The following PMEPA1 variants were observed in gnomAD, a reference collection of about 807,000 sequenced individuals.
PMEPA1 encodes the protein protein TMEPAI.
In PMEPA1, 11 loss-of-function variants were observed where a neutral mutation model predicts 23.0. The ratio of observed to expected loss-of-function variants is 0.48; its 90% confidence interval spans 0.30 to 0.79. The LOEUF (loss-of-function observed/expected upper bound fraction) is 0.79. PMEPA1 is among the 30% of genes least tolerant of loss of function. The pLI is 0.06. For missense variants in PMEPA1, 377 were observed against 390.9 expected (o/e 0.96, Z 0.30); for synonymous variants, 204 against 166.4 (o/e 1.23, Z -1.74).
At chr20:57,660,742 ACAC>A (rs1271019643) in intron 1 of PMEPA1, among the ~76,000 whole-genome samples, 2 of 148,784 alleles carry the variant, frequency 1.3e-5, no homozygotes, top group East Asian at 2.0e-4. Flanking sequence ...ACTCCTACAC[ACAC>A]AACACCCCAA....
intron 2 of PMEPA1, among the ~76,000 whole-genome samples, chr20:57,654,181 C>T (rs990505815): frequency 6.6e-6 from 1 of 152,174 alleles, no homozygotes; most frequent in Admixed American, 6.5e-5. Flanking sequence ...AATGCCATGA[C>T]GGTGAGCCCT....
Position 57,652,011 on chromosome 20 carries a change from C to A in PMEPA1, c.*42G>T. 1 of 1,437,204 alleles carries A rather than the reference C, an allele frequency of 7.0e-7. No homozygotes were observed. The highest frequency in any genetic ancestry group is 1.5e-5 in the South Asian group (1 of 67,420). 89.0% of individuals were successfully genotyped at this position (1,437,204 alleles called of 1,614,324 possible). On this transcript the variant is annotated 3_prime_UTR_variant, in exon 4 of 4. Coordinates refer to ENST00000341744, the MANE Select transcript of PMEPA1 (RefSeq NM_020182.5). The surrounding 1 kb of genome is among the most constrained non-coding windows in gnomAD (Gnocchi z 6.1). ...CTTCTAAGAAGCGCGGAGTGTTCTGCCTTTTCACCTACGCAGCCCCAGCCC... is the reference window on the plus strand; with the variant it reads ...CTTCTAAGAAGCGCGGAGTGTTCTGACTTTTCACCTACGCAGCCCCAGCCC...
chr20:57,664,249 A>C (rs2071462067), intron 1 of PMEPA1, among the ~76,000 whole-genome samples: 1 of 152,078 alleles, frequency 6.6e-6, no homozygotes, highest in Admixed American at 6.5e-5. Context: ...TGGGACAGCC[A>C]CGCCCTGACA....
chr20:57,705,427 C>T (rs1481600215), intron 1 of PMEPA1, among the ~76,000 whole-genome samples: 1 of 152,164 alleles, frequency 6.6e-6, no homozygotes, highest in African/African-American at 2.4e-5. Flanking sequence ...CAGGGTTTAG[C>T]GGGTCCACAG....
At chr20:57,699,542 T>G (rs2071984206) in intron 1 of PMEPA1, among the ~76,000 whole-genome samples, 1 of 152,140 alleles carries the variant, frequency 6.6e-6, no homozygotes. Context: ...CCTGTGCAAC[T>G]ACCAGGTGCC....
intron 1 of PMEPA1, among the ~76,000 whole-genome samples, chr20:57,671,524 T>C (rs1369371146): frequency 2.0e-5 from 3 of 152,134 alleles, no homozygotes; most frequent in African/African-American, 7.2e-5. Flanking sequence ...CCAAAACGTA[T>C]ATATAGATAT....
upstream of PMEPA1, chr20:57,711,025 C>G (rs2072174403): frequency 6.6e-6 from 1 of 152,202 alleles, no homozygotes; most frequent in African/African-American, 2.4e-5. Flanking sequence ...ATTACTCTCC[C>G]CATTTTACAG....
At chr20:57,708,636 G>C (rs937297224) in intron 1 of PMEPA1, among the ~76,000 whole-genome samples, 3 of 152,160 alleles carry the variant, frequency 2.0e-5, no homozygotes, top group African/African-American at 4.8e-5. Flanking sequence ...ACTGAACCAA[G>C]CTGTCCAGAC....
intron 1 of PMEPA1, among the ~76,000 whole-genome samples, chr20:57,667,220 A>C (rs1436901034): frequency 1.3e-5 from 2 of 152,060 alleles, no homozygotes; most frequent in Non-Finnish European, 2.9e-5. Context: ...ATTCTTTCCC[A>C]TCCAAGTTTC....
Position 57,709,545 on chromosome 20 carries a change from G to A in PMEPA1, c.38C>T (p.Ala13Val). 1 of 1,109,628 alleles carries A rather than the reference G, an allele frequency of 9.0e-7. No homozygotes were observed. The highest frequency in any genetic ancestry group is 2.6e-5 in the South Asian group (1 of 38,252). The allele number at this position is 1,109,628 out of a possible 1,614,324, so 68.7% of individuals were successfully genotyped here. ...GGAGACATTGGGCTGCCCGGCGGCG[G>A]CGGCGGCGGTGCTGTTGACCCCCAT... ...RLMGVNSTAA[A>V]AAGQPNVSCT... Residue 13 changes from alanine to valine, a missense_variant, in exon 1 of 4, where the codon GCC becomes GTC. Around this residue, in one of 3 missense-constraint regions of PMEPA1, gnomAD observed 198 missense variants for 196.3 expected, o/e 1.01. Transcript: ENST00000341744.
intron 2 of PMEPA1, 45 bp downstream of exon 2, chr20:57,659,498 C>T: frequency 6.3e-7 from 1 of 1,593,546 alleles, no homozygotes; most frequent in Non-Finnish European, 8.6e-7. Flanking sequence ...AGGGGCGTCC[C>T]ACTGCCGCAC....
chr20:57,699,991 CGTGGCTCTA>C, intron 1 of PMEPA1: 1 of 470,374 alleles, frequency 2.1e-6, no homozygotes, highest in Non-Finnish European at 4.4e-6. Flanking sequence ...CTTGAAGATA[CGTGGCTCTA>C]AATATAAAAA....
At chr20:57,667,366 G>A (rs2071508149) in intron 1 of PMEPA1, among the ~76,000 whole-genome samples, 1 of 152,172 alleles carries the variant, frequency 6.6e-6, no homozygotes, top group Admixed American at 6.5e-5. Flanking sequence ...TAATGTGCAA[G>A]AAGAACCCAC....
intron 1 of PMEPA1, among the ~76,000 whole-genome samples, chr20:57,667,884 C>T (rs879604029): frequency 2.6e-5 from 4 of 152,032 alleles, no homozygotes; most frequent in Non-Finnish European, 4.4e-5. Context: ...ATTTTAAGTA[C>T]AATCAAACCA....
intron 1 of PMEPA1, among the ~76,000 whole-genome samples, chr20:57,663,748 C>T (rs1393858483): frequency 1.3e-5 from 2 of 152,190 alleles, no homozygotes; most frequent in African/African-American, 2.4e-5. Flanking sequence ...CCTGGATGCC[C>T]CTGGACATGC....
chr20:57,680,326 G>C (rs2071695614), intron 1 of PMEPA1, among the ~76,000 whole-genome samples: 1 of 152,242 alleles, frequency 6.6e-6, no homozygotes, highest in South Asian at 2.1e-4. Context: ...CTAGGGCTAA[G>C]GTGTGGTTCT....
At chr20:57,678,130 T>A (rs1006274881) in intron 1 of PMEPA1, among the ~76,000 whole-genome samples, 1 of 152,156 alleles carries the variant, frequency 6.6e-6, no homozygotes, top group African/African-American at 2.4e-5. Context: ...AATCTACGCA[T>A]ACAATAAAAC....
At position 57,707,191 on chromosome 20, in the gene PMEPA1, A is replaced by C. The variant is rs1185076289; in HGVS notation, c.109+2283T>G. On this transcript the variant is annotated intron_variant, in intron 1 of 3. Transcript: ENST00000341744. ...TACTAGATGAAAAACAGCAGCCACT[A>C]CTAGTTAAAAGAAAAACCAAATACT... is the stretch of plus-strand genomic sequence containing the variant. 3.9e-5 allele frequency among the ~76,000 whole-genome samples: 6 copies of C among 152,190 alleles called. No individual in the cohort carries two copies. In the East Asian group the frequency reaches 1.2e-3, roughly 29 times the overall value.
At chr20:57,663,559 C>A (rs2071452563) in intron 1 of PMEPA1, among the ~76,000 whole-genome samples, 2 of 152,204 alleles carry the variant, frequency 1.3e-5, no homozygotes, top group Non-Finnish European at 2.9e-5. Flanking sequence ...TGGCCCAAAC[C>A]CATCCACCCT....
Sources: allele counts gnomAD v4.1 joint callset (sites outside exome capture counted in the v4.1 genomes callset), GRCh38; gene constraint gnomAD v4.1.1; regional missense constraint gnomAD v4.1.1; non-coding constraint Gnocchi (gnomAD v3.1); transcripts MANE v1.5; gene names NCBI Gene and HGNC (gene_info 2026-07-23, HGNC 2026-07-21).